The following FAT3 variants were observed in gnomAD, a reference collection of about 807,000 sequenced individuals.
The protein encoded by FAT3 is FAT atypical cadherin 3.
In FAT3, 95 loss-of-function variants were observed where a neutral mutation model predicts 310.2. The observed-to-expected ratio is 0.31, with a 90% CI of 0.26 to 0.36. The LOEUF (loss-of-function observed/expected upper bound fraction) is 0.36, where lower values mean the gene tolerates loss of function less well. Ranked by LOEUF, FAT3 falls within the 10% of genes least tolerant of loss-of-function variation. FAT3 has a pLI of 1.00. For synonymous variants in FAT3, 2,314 were observed against 2,192.9 expected, an observed-to-expected ratio of 1.06 and a Z score of -1.54; for missense variants, 5,408 against 5,715.6, an observed-to-expected ratio of 0.95 and a Z score of 1.74.
intron 2 of FAT3, among the ~76,000 whole-genome samples, chr11:92,462,027 G>A (rs646518): frequency 0.88 from 134,574 of 152,216 alleles, 59,528 homozygotes; most frequent in Admixed American, 0.89. Context: ...TCAGAATCTC[G>A]TACTCTGAAT....
At chr11:92,467,152 C>T (rs1951784716) in intron 2 of FAT3, among the ~76,000 whole-genome samples, 1 of 152,112 alleles carries the variant, frequency 6.6e-6, no homozygotes, top group African/African-American at 2.4e-5. Context: ...TGAGGAATCT[C>T]CACACTGACT....
At chr11:92,559,760 A>G (rs1401612720) in intron 3 of FAT3, among the ~76,000 whole-genome samples, 1 of 152,172 alleles carries the variant, frequency 6.6e-6, no homozygotes. Context: ...TTCACTTAGC[A>G]TAATGTTTTT....
chr11:92,853,443 T>C (rs1182810512), intron 19 of FAT3, among the ~76,000 whole-genome samples: 2 of 152,206 alleles, frequency 1.3e-5, no homozygotes, highest in Admixed American at 1.3e-4. Flanking sequence ...TCTGGGCTTT[T>C]CTCTCCTTCT....
At chr11:92,820,508 T>G (rs1012065365) in intron 13 of FAT3, among the ~76,000 whole-genome samples, 5 of 152,158 alleles carry the variant, frequency 3.3e-5, no homozygotes, top group African/African-American at 1.2e-4. Flanking sequence ...TCTTTCCTAC[T>G]GTCTGTGGGA....
chr11:92,507,549 G>T (rs1336413932), intron 2 of FAT3, among the ~76,000 whole-genome samples: 1 of 150,504 alleles, frequency 6.6e-6, no homozygotes, highest in East Asian at 2.0e-4. Flanking sequence ...ACATATATAG[G>T]GTGTATATAT....
At chr11:92,389,302 C>T (rs371270804) in intron 2 of FAT3, among the ~76,000 whole-genome samples, 19 of 152,228 alleles carry the variant, frequency 1.2e-4, no homozygotes, top group South Asian at 8.3e-4. Context: ...AAGACCAGCT[C>T]GTAGATGAGT....
chr11:92,275,171 C>T (rs945837886), intron 1 of FAT3, among the ~76,000 whole-genome samples: 15 of 152,188 alleles, frequency 9.9e-5, no homozygotes, highest in Middle Eastern at 3.4e-3. Context: ...CTCTTTGTCA[C>T]GGGTGCCATA....
Position 92,352,702 on chromosome 11 carries a change from T to C in FAT3, c.590T>C (p.Phe197Ser). Residue 197 changes from phenylalanine to serine, a missense_variant, in exon 2 of 28, where the codon TTT becomes TCT. By Grantham distance (155) the Phe-to-Ser change is radical (BLOSUM62 -2). Around this residue, in one of 5 missense-constraint regions of FAT3, gnomAD observed 4,588 missense variants for 4,809.8 expected, o/e 0.95. Coordinates refer to ENST00000525166, the MANE Select transcript of FAT3 (RefSeq NM_001367949.2). Reference protein sequence around the residue: ...IGSNGEFYYYFKNKVDLFSVH... With the variant: ...IGSNGEFYYYSKNKVDLFSVH... ...TCCAATGGAGAATTCTACTACTACT[T>C]TAAAAATAAAGTTGATCTCTTTTCA... The C allele has an allele frequency of 6.2e-7, 1 of 1,613,796 alleles. No homozygotes were observed. The highest frequency in any genetic ancestry group is 1.7e-4 in the Middle Eastern group (1 of 6,060).
At chr11:92,548,155 T>C (rs562810614) in intron 3 of FAT3, among the ~76,000 whole-genome samples, 1 of 152,328 alleles carries the variant, frequency 6.6e-6, no homozygotes, top group Admixed American at 6.5e-5. Context: ...TAGTCAGATA[T>C]ATCTGAACTT....
At chr11:92,382,979 C>G (rs902675566) in intron 2 of FAT3, among the ~76,000 whole-genome samples, 4 of 152,180 alleles carry the variant, frequency 2.6e-5, no homozygotes, top group Non-Finnish European at 5.9e-5. Flanking sequence ...CTTCCCGATG[C>G]TCTCCCTACC....
intron 3 of FAT3, among the ~76,000 whole-genome samples, chr11:92,684,373 A>C (rs1195190763): frequency 6.6e-6 from 1 of 152,182 alleles, no homozygotes; most frequent in Non-Finnish European, 1.5e-5. Context: ...GGTGAAAGGA[A>C]AGAAAGTCCC....
chr11:92,843,848 C>T (rs1034433651), intron 18 of FAT3, 86 bp from the exon 19 acceptor site: 17 of 1,252,550 alleles, frequency 1.4e-5, no homozygotes, highest in South Asian at 2.9e-5. Flanking sequence ...CGTAAAGGTA[C>T]AGACGTCTTC....
intron 1 of FAT3, among the ~76,000 whole-genome samples, chr11:92,337,943 C>T (rs140058320): frequency 3.3e-5 from 5 of 152,260 alleles, no homozygotes; most frequent in Non-Finnish European, 7.4e-5. Flanking sequence ...GGTCAAATCA[C>T]TAGAGCCTCT....
At position 92,890,555 on chromosome 11, in the gene FAT3, C is replaced by G. The variant is rs757998407; in HGVS notation, c.13212C>G (p.Pro4404=). 63 of 1,612,742 alleles carry G rather than the reference C, an allele frequency of 3.9e-5. No individual in the cohort carries two copies. In the South Asian group the frequency reaches 6.2e-4, roughly 16 times the overall value. The change falls in exon 28 of 28, where the codon CCC becomes CCG. Residue 4404 remains proline (P), a synonymous_variant. Coordinates refer to ENST00000525166, the MANE Select transcript of FAT3 (RefSeq NM_001367949.2). ...GARLSDIEEV[P]NYENQDGGSA... is the part of the protein sequence containing the mutation. The stretch of plus-strand genomic sequence containing the variant: ...GCCTGTCGGACATAGAGGAAGTGCC[C>G]AACTATGAGAACCAGGATGGAGGGT...
intron 1 of FAT3, among the ~76,000 whole-genome samples, chr11:92,324,919 C>T (rs1273382127): frequency 6.6e-6 from 1 of 152,168 alleles, no homozygotes; most frequent in Non-Finnish European, 1.5e-5. Context: ...GTATATTCAC[C>T]AGAGGACTTA....
At chr11:92,503,970 G>A (rs1035562769) in intron 2 of FAT3, among the ~76,000 whole-genome samples, 3 of 152,100 alleles carry the variant, frequency 2.0e-5, no homozygotes, top group Non-Finnish European at 4.4e-5. Flanking sequence ...CACATTTTAT[G>A]AATCACATTG....
intron 3 of FAT3, among the ~76,000 whole-genome samples, chr11:92,644,873 C>A (rs897446607): frequency 6.6e-6 from 1 of 152,194 alleles, no homozygotes; most frequent in African/African-American, 2.4e-5. Context: ...TGATTCTTCT[C>A]TTTTGCTGTG....
intron 2 of FAT3, among the ~76,000 whole-genome samples, chr11:92,374,762 C>T (rs1949295397): frequency 6.6e-6 from 1 of 152,222 alleles, no homozygotes; most frequent in Non-Finnish European, 1.5e-5. Context: ...ACACTACCTC[C>T]ACCCTTTACT....
At chr11:92,748,179 G>A (rs1233061105) in intron 4 of FAT3, among the ~76,000 whole-genome samples, 1 of 152,190 alleles carries the variant, frequency 6.6e-6, no homozygotes, top group African/African-American at 2.4e-5. Flanking sequence ...CAATCATGGT[G>A]GAAGGTGAAT....
Sources: allele counts gnomAD v4.1 joint callset (sites outside exome capture counted in the v4.1 genomes callset), GRCh38; gene constraint gnomAD v4.1.1; regional missense constraint gnomAD v4.1.1; transcripts MANE v1.5; gene names NCBI Gene and HGNC (gene_info 2026-07-23, HGNC 2026-07-21).